The following ATRN variants were observed in gnomAD, a reference collection of about 807,000 sequenced individuals.
The protein encoded by ATRN is attractin-2.
Under a neutral mutation model 178.7 loss-of-function variants are expected in ATRN, and 54 were observed. The ratio of observed to expected loss-of-function variants is 0.30; its 90% CI spans 0.24 to 0.38. The LOEUF is 0.38. Ranked by LOEUF, ATRN falls within the 10% of genes least tolerant of loss-of-function variation. The pLI, the probability that ATRN is intolerant of heterozygous loss-of-function variation, is 1.00. For synonymous variants in ATRN, 636 were observed against 663.0 expected, an observed-to-expected ratio of 0.96 and a Z score of 0.63; for missense variants, 1,443 against 1,815.1, an observed-to-expected ratio of 0.79 and a Z score of 3.73.
chr20:3,514,935 T>C (rs2085186392), intron 1 of ATRN, among the ~76,000 whole-genome samples: 1 of 152,122 alleles, frequency 6.6e-6, no homozygotes, highest in Admixed American at 6.5e-5. Flanking sequence ...CCAGCCTTGG[T>C]GACAAAGCAA....
rs1428756331 is a variant in ATRN at position 3,572,789 on chromosome 20, A to C, written c.1930A>C (p.Thr644Pro). ...SLLLSDILVF[T>P]SEQCDAHRSE... is the part of the protein sequence containing the mutation. Reference sequence around the variant, plus strand: ...CCTCCTCAGCGACATCCTGGTATTCACCTCGGAACAGTGTGATGCGCATCG... The same window carrying C: ...CCTCCTCAGCGACATCCTGGTATTCCCCTCGGAACAGTGTGATGCGCATCG... The change falls in exon 12 of 29, where the codon ACC becomes CCC. Residue 644 changes from threonine to proline, a missense_variant. Physicochemically the swap from Thr to Pro is conservative, Grantham distance 38. Around this residue, in one of 4 missense-constraint regions of ATRN, gnomAD observed 862 missense variants for 972.1 expected, o/e 0.89. Coordinates refer to ENST00000262919, the MANE Select transcript of ATRN (RefSeq NM_139321.3). 16 of 1,612,874 alleles carry C rather than the reference A, an allele frequency of 9.9e-6. No homozygotes were observed. Among genetic ancestry groups the C allele is most frequent in the Non-Finnish European group, 1.4e-5 (16 of 1,179,894 alleles).
At chr20:3,571,307 A>C (rs1266565876) in intron 11 of ATRN, among the ~76,000 whole-genome samples, 2 of 152,240 alleles carry the variant, frequency 1.3e-5, no homozygotes, top group Non-Finnish European at 2.9e-5. Context: ...TTTCACAAAA[A>C]AATTTGCCCT....
intron 10 of ATRN, among the ~76,000 whole-genome samples, chr20:3,564,564 G>A (rs2086004768): frequency 6.6e-6 from 1 of 152,098 alleles, no homozygotes; most frequent in Non-Finnish European, 1.5e-5. Flanking sequence ...GTCACAACAA[G>A]GGAAAATTAA....
At chr20:3,506,291 T>C (rs966558129) in intron 1 of ATRN, among the ~76,000 whole-genome samples, 2 of 152,156 alleles carry the variant, frequency 1.3e-5, no homozygotes, top group African/African-American at 2.4e-5. Flanking sequence ...ATTTCAGTTA[T>C]TTAAGAAACA....
chr20:3,489,840 A>G (rs1252175094), intron 1 of ATRN: 33 of 1,252,638 alleles, frequency 2.6e-5, no homozygotes, highest in Admixed American at 8.4e-5. Flanking sequence ...TAGGCCATGA[A>G]GCTTATATAG....
At chr20:3,509,807 A>G (rs1379194390) in intron 1 of ATRN, among the ~76,000 whole-genome samples, 1 of 152,120 alleles carries the variant, frequency 6.6e-6, no homozygotes, top group Non-Finnish European at 1.5e-5. Flanking sequence ...CCCAGCCACA[A>G]ATTTTTTATT....
intron 4 of ATRN, 148 bp downstream of exon 4, chr20:3,546,038 T>A: frequency 1.1e-6 from 1 of 877,064 alleles, no homozygotes; most frequent in Non-Finnish European, 1.7e-6. Context: ...TTCCATAAAT[T>A]CAGTGAGGTC....
chr20:3,502,774 T>A (rs1451918735), intron 1 of ATRN, among the ~76,000 whole-genome samples: 8 of 152,124 alleles, frequency 5.3e-5, no homozygotes, highest in Admixed American at 5.2e-4. Flanking sequence ...GATGTGAGAT[T>A]TTCCTCTTCA....
intron 28 of ATRN, among the ~76,000 whole-genome samples, chr20:3,644,791 A>G (rs2087095676): frequency 6.6e-6 from 1 of 152,222 alleles, no homozygotes; most frequent in South Asian, 2.1e-4. Flanking sequence ...AAACACAACG[A>G]TAACATAAAG....
intron 1 of ATRN, among the ~76,000 whole-genome samples, chr20:3,509,308 C>T (rs2085090989): frequency 6.6e-6 from 1 of 152,080 alleles, no homozygotes; most frequent in Admixed American, 6.5e-5. Context: ...ACACTCTTAA[C>T]CCACAGACAG....
chr20:3,577,129 A>G (rs570353324), intron 14 of ATRN, 132 bp downstream of exon 14: 1 of 1,130,112 alleles, frequency 8.8e-7, no homozygotes, highest in South Asian at 1.7e-5. Flanking sequence ...CCACACGAGT[A>G]TTATGGGCTT....
At position 3,471,081 on chromosome 20, in the gene ATRN, G is replaced by A. The variant is rs1487696803; in HGVS notation, c.-27G>A. Reference sequence around the variant, plus strand: ...CCGTGCGGTGTGTGTGTATGTGTTCGCGGGGCGCCGTCTCAGCCCCGGGAA... The same window carrying A: ...CCGTGCGGTGTGTGTGTATGTGTTCACGGGGCGCCGTCTCAGCCCCGGGAA... On this transcript the variant is annotated 5_prime_UTR_variant, in exon 1 of 29. Coordinates refer to ENST00000262919, the MANE Select transcript of ATRN (RefSeq NM_139321.3). 3 of 1,505,788 alleles carry A rather than the reference G, an allele frequency of 2.0e-6. No individual in the cohort carries two copies. The highest frequency in any genetic ancestry group is 2.6e-6 in the Non-Finnish European group (3 of 1,133,990). The allele number at this position is 1,505,788 out of a possible 1,614,324, so 93.3% of individuals were successfully genotyped here. A position where few individuals can be genotyped will look rare whatever the true frequency, so the allele number is the denominator to read the frequency against.
rs143162625 is a variant in ATRN, at chr20:3,643,934, G to A, written c.4051-220G>A. ...AAGCAGCCCTCTGGAAGGGGACTGC[G>A]AGACCTCAGTGGAAGGTAGCAAGCA... On this transcript the variant is annotated intron_variant, in intron 27 of 28. Coordinates refer to ENST00000262919, the MANE Select transcript of ATRN (RefSeq NM_139321.3). Among the ~76,000 whole-genome samples, 451 of 152,336 alleles carry A rather than the reference G, an allele frequency of 3.0e-3. 1 individual carries two copies. The highest frequency in any genetic ancestry group is 5.1e-3 in the Admixed American group (78 of 15,308).
chr20:3,527,425 CAG>C (rs528519078), intron 1 of ATRN, among the ~76,000 whole-genome samples: 4 of 152,160 alleles, frequency 2.6e-5, no homozygotes, highest in Non-Finnish European at 5.9e-5. Flanking sequence ...CAGGAAACAA[CAG>C]ATGCTGGAGA....
Position 3,572,773 on chromosome 20 carries a change from C to T in ATRN, c.1914C>T (p.Ser638=), listed in dbSNP as rs1186054041. 5 of 1,613,934 alleles carry T rather than the reference C, an allele frequency of 3.1e-6. No homozygotes were observed. Among genetic ancestry groups the T allele is most frequent in the East Asian group, 2.2e-5 (1 of 44,878 alleles). Residue 638 remains serine (S), a synonymous_variant, in exon 12 of 29, where the codon AGC becomes AGT. Coordinates refer to ENST00000262919, the MANE Select transcript of ATRN (RefSeq NM_139321.3). ...VFGGFNSLLL[S]DILVFTSEQC... ...GTGGTTTCAATAGTCTCCTCCTCAG[C>T]GACATCCTGGTATTCACCTCGGAAC...
chr20:3,613,568 T>C (rs910525222), intron 24 of ATRN, among the ~76,000 whole-genome samples: 2 of 152,230 alleles, frequency 1.3e-5, no homozygotes, highest in Admixed American at 1.3e-4. Flanking sequence ...GAGAGACTTA[T>C]TTAAGGAAGA....
intron 22 of ATRN, 62 bp from the exon 23 acceptor site, chr20:3,600,884 C>A: frequency 1.4e-6 from 2 of 1,442,214 alleles, no homozygotes; most frequent in South Asian, 1.2e-5. Flanking sequence ...AACTTTATTG[C>A]TTTATTTTAA....
At chr20:3,484,246 CT>C (rs1271814674) in intron 1 of ATRN, among the ~76,000 whole-genome samples, 1 of 146,752 alleles carries the variant, frequency 6.8e-6, no homozygotes, top group African/African-American at 2.5e-5. Flanking sequence ...GGGACCTTGT[CT>C]TTAAAAAAAA....
chr20:3,520,722 C>T (rs201137321), intron 1 of ATRN, among the ~76,000 whole-genome samples: 2 of 152,264 alleles, frequency 1.3e-5, no homozygotes. Context: ...GTCTCGAACT[C>T]CTGGCCTCAA....
Sources: allele counts gnomAD v4.1 joint callset (sites outside exome capture counted in the v4.1 genomes callset), GRCh38; gene constraint gnomAD v4.1.1; regional missense constraint gnomAD v4.1.1; transcripts MANE v1.5; gene names NCBI Gene and HGNC (gene_info 2026-07-23, HGNC 2026-07-21).